SORL1: variants seen among roughly 807,000 people sequenced by gnomAD.
The protein encoded by SORL1 is sortilin-related receptor.
In SORL1, 127 loss-of-function variants were observed where a neutral mutation model predicts 273.7. That is an observed-to-expected ratio of 0.46 (90% CI 0.40 to 0.54). SORL1 has a LOEUF of 0.54. Ranked by LOEUF, SORL1 falls within the 20% of genes least tolerant of loss-of-function variation. The pLI, the probability that SORL1 is intolerant of heterozygous loss-of-function variation, is 0.00. For synonymous variants in SORL1, 1,031 were observed against 1,067.4 expected, an observed-to-expected ratio of 0.97 and a Z score of 0.66; for missense variants, 2,494 against 2,846.1, an observed-to-expected ratio of 0.88 and a Z score of 2.81.
In SORL1 at chr11:121,605,588, A is replaced by AT; in HGVS notation, c.4948+22dup. On this transcript the variant is annotated intron_variant, in intron 35 of 47. Coordinates refer to ENST00000260197, the MANE Select transcript of SORL1 (RefSeq NM_003105.6). ...CAGAGGGATGTAAGTGTTTCAGTTA[A>AT]TTTTTATGGCATGGGTAAGACCTCA... 6.2e-7 allele frequency: 1 copy of AT among 1,605,438 alleles called. No individual in the cohort carries two copies. The highest frequency in any genetic ancestry group is 8.5e-7 in the Non-Finnish European group (1 of 1,173,070).
At chr11:121,516,931 A>G (rs1861963236) in intron 8 of SORL1, among the ~76,000 whole-genome samples, 1 of 152,196 alleles carries the variant, frequency 6.6e-6, no homozygotes, top group South Asian at 2.1e-4. Context: ...ACGTACCTAT[A>G]GTCCCAGCTA....
intron 3 of SORL1, among the ~76,000 whole-genome samples, chr11:121,478,838 G>A (rs115679664): frequency 1.1e-3 from 162 of 151,762 alleles, no homozygotes; most frequent in African/African-American, 3.6e-3. Flanking sequence ...ACTTGTGTGC[G>A]TATGGGTACC....
rs1424355891 is a variant in SORL1 at position 121,567,232 on chromosome 11, A to ATT, written c.3223+119_3223+120insTT. ...TTTTCGTGTTATTGGAAAAAGTCCA[A>ATT]GGTAAAAATCAAACCTACCAGATAC... On this transcript the variant is annotated intron_variant, in intron 22 of 47. Transcript: ENST00000260197. 3.3e-6 allele frequency: 3 copies of ATT among 911,530 alleles called. No homozygotes were observed. In the East Asian group the frequency reaches 7.7e-5, roughly 23 times the overall value. 56.5% of individuals were successfully genotyped at this position (911,530 alleles called of 1,614,324 possible).
chr11:121,592,307 C>T (rs1222389726), intron 31 of SORL1, among the ~76,000 whole-genome samples: 1 of 152,136 alleles, frequency 6.6e-6, no homozygotes, highest in Non-Finnish European at 1.5e-5. Flanking sequence ...ATCAGAACTT[C>T]TCAAAATGTG....
intron 27 of SORL1, 103 bp downstream of exon 27, chr11:121,586,432 GTTAGCTT>G: frequency 1.1e-6 from 1 of 907,252 alleles, no homozygotes; most frequent in Non-Finnish European, 1.8e-6. Flanking sequence ...CCTGCTTGTG[GTTAGCTT>G]TTAACTGAGT....
rs1213298134 is a variant in SORL1 at position 121,618,759 on chromosome 11, C to T, written c.5605-15C>T. 1 of 1,614,016 alleles carries T rather than the reference C, an allele frequency of 6.2e-7. No individual in the cohort carries two copies. Among genetic ancestry groups the T allele is most frequent in the East Asian group, 2.2e-5 (1 of 44,886 alleles). On this transcript the variant is annotated splice_polypyrimidine_tract_variant and intron_variant, in intron 41 of 47. Coordinates refer to ENST00000260197, the MANE Select transcript of SORL1 (RefSeq NM_003105.6). ...CCATGAGCTGATGTCCTCTTCCATT[C>T]TCTGCTTTTACCAGGTTTATGGTAT... is the stretch of plus-strand genomic sequence containing the variant.
At chr11:121,553,439 A>T (rs757540095) in intron 16 of SORL1, among the ~76,000 whole-genome samples, 1 of 152,244 alleles carries the variant, frequency 6.6e-6, no homozygotes, top group East Asian at 1.9e-4. Flanking sequence ...TAAGAGGTTC[A>T]TAGAATTGCC....
rs1272434705 is a variant in SORL1, at chr11:121,632,836, T to C, written c.*3273T>C. 2.0e-5 allele frequency: 3 copies of C among 152,144 alleles called. No individual in the cohort carries two copies. Among genetic ancestry groups the C allele is most frequent in the Non-Finnish European group, 2.9e-5 (2 of 68,020 alleles). The allele number at this position is 152,144 out of a possible 1,614,324, so 9.4% of individuals were successfully genotyped here. On this transcript the variant is annotated 3_prime_UTR_variant, in exon 48 of 48. Transcript: ENST00000260197. ...CTATCAGGTTTGGTCAGTCCCTTCT[T>C]CATGAAGGGAGTCATGGGGAATTCC... is the stretch of plus-strand genomic sequence containing the variant.
At chr11:121,469,647 A>G (rs1022470350) in intron 1 of SORL1, among the ~76,000 whole-genome samples, 1 of 152,212 alleles carries the variant, frequency 6.6e-6, no homozygotes, top group Admixed American at 6.5e-5. Flanking sequence ...CAATGTTTCC[A>G]TGCTTTGGTT....
At chr11:121,616,902 C>T (rs1187612833) in intron 41 of SORL1, among the ~76,000 whole-genome samples, 1 of 152,202 alleles carries the variant, frequency 6.6e-6, no homozygotes, top group African/African-American at 2.4e-5. Flanking sequence ...CATGAGACAT[C>T]CATCAAATAC....
rs1213984106 is a variant in SORL1, at chr11:121,630,039, A to G, written c.*476A>G. On this transcript the variant is annotated 3_prime_UTR_variant, in exon 48 of 48. Transcript: ENST00000260197. ...TTATGGCGGAAGGTTTCTTTATGTT[A>G]TTTTGTTAATTTATTGGGACTCTGT... The G allele has an allele frequency of 1.2e-5, 2 of 161,898 alleles. No homozygotes were observed. Among genetic ancestry groups the G allele is most frequent in the African/African-American group, 4.8e-5 (2 of 41,458 alleles). 10.0% of individuals were successfully genotyped at this position (161,898 alleles called of 1,614,324 possible).
rs1017779133 is a variant in SORL1, at chr11:121,632,087, G to C, written c.*2524G>C. On this transcript the variant is annotated 3_prime_UTR_variant, in exon 48 of 48. Coordinates refer to ENST00000260197, the MANE Select transcript of SORL1 (RefSeq NM_003105.6). ...GGAGTCCCTGCTTGCTTGTGAAGAA[G>C]GGGCTTTTGTACCTTGTTGGAGATG... 6.6e-6 allele frequency: 1 copy of C among 152,192 alleles called. No individual in the cohort carries two copies. Among genetic ancestry groups the C allele is most frequent in the African/African-American group, 2.4e-5 (1 of 41,438 alleles). The allele number at this position is 152,192 out of a possible 1,614,324, so 9.4% of individuals were successfully genotyped here. A position where few individuals can be genotyped will look rare whatever the true frequency, so the allele number is the denominator to read the frequency against.
At chr11:121,585,339 C>T (rs1863079483) in intron 26 of SORL1, among the ~76,000 whole-genome samples, 1 of 152,042 alleles carries the variant, frequency 6.6e-6, no homozygotes, top group South Asian at 2.1e-4. Context: ...AAAAATTAGC[C>T]AGGCACAGTG....
chr11:121,533,251 G>A (rs906414982), intron 12 of SORL1, among the ~76,000 whole-genome samples: 1 of 152,066 alleles, frequency 6.6e-6, no homozygotes, highest in Admixed American at 6.5e-5. Context: ...TTGGTGGGGG[G>A]TCTCATGGAG....
chr11:121,623,171 C>A (rs570887788), intron 45 of SORL1, among the ~76,000 whole-genome samples: 1 of 152,168 alleles, frequency 6.6e-6, no homozygotes, highest in Non-Finnish European at 1.5e-5. Context: ...TGTAACAAAG[C>A]GGAAAATTCC....
Position 121,605,472 on chromosome 11 carries a change from T to G in SORL1, c.4849T>G (p.Leu1617Val). Residue 1617 changes from leucine (L) to valine (V), a missense_variant, in exon 35 of 48, where the codon TTG becomes GTG. Coordinates refer to ENST00000260197, the MANE Select transcript of SORL1 (RefSeq NM_003105.6). ...SNKTNTVLKV[L>V]KPDTTYQVKV... ...TAAGACAAACACTGTATTAAAAGTC[T>G]TGAAACCAGATACCACGTATCAGGT... 2 of 1,614,138 alleles carry G rather than the reference T, an allele frequency of 1.2e-6. No individual in the cohort carries two copies. Among genetic ancestry groups the G allele is most frequent in the Middle Eastern group, 1.6e-4 (1 of 6,062 alleles).
intron 3 of SORL1, among the ~76,000 whole-genome samples, chr11:121,479,775 T>A (rs1189220670): frequency 6.6e-6 from 1 of 152,224 alleles, no homozygotes; most frequent in Non-Finnish European, 1.5e-5. Flanking sequence ...TGGTCATTAC[T>A]GGTACATACT....
chr11:121,604,137 C>A, intron 32 of SORL1, 56 bp from the exon 33 acceptor site: 3 of 1,593,762 alleles, frequency 1.9e-6, no homozygotes, highest in Non-Finnish European at 2.6e-6. Flanking sequence ...TTGGGCCCAG[C>A]CTTTAGTACC....
chr11:121,535,205 A>G (rs1036698234), intron 12 of SORL1, among the ~76,000 whole-genome samples: 4 of 152,126 alleles, frequency 2.6e-5, no homozygotes, highest in Admixed American at 6.5e-5. Context: ...CCCCTAGAGC[A>G]CAGATGTGAG....
Sources: gnomAD v4.1 joint callset for allele counts (sites outside exome capture counted in the v4.1 genomes callset) on GRCh38, gnomAD v4.1.1 for gene constraint, MANE v1.5 for transcripts, NCBI Gene and HGNC (gene_info 2026-07-23, HGNC 2026-07-21) for gene names.